The following CNTN4 variants were observed in gnomAD, a reference collection of about 807,000 sequenced individuals.
CNTN4 encodes contactin 4, also known as contactin-4.
CNTN4 carries 77 observed loss-of-function variants against 122.5 expected under a neutral mutation model. The ratio of observed to expected loss-of-function variants is 0.63; its 90% confidence interval spans 0.52 to 0.76. The LOEUF is 0.76. CNTN4 is among the 30% of genes least tolerant of loss of function. CNTN4 has a pLI of 0.00. For missense variants in CNTN4, 1,256 were observed against 1,259.1 expected (o/e 1.00, Z 0.04); for synonymous variants, 512 against 447.0 (o/e 1.15, Z -1.83).
chr3:2,763,742 C>G (rs976319558), intron 6 of CNTN4, among the ~76,000 whole-genome samples: 2 of 152,140 alleles, frequency 1.3e-5, no homozygotes, highest in African/African-American at 4.8e-5. Flanking sequence ...ATAAGGAATC[C>G]TTTCCCCGTT....
chr3:2,901,123 G>T (rs1469150579), intron 11 of CNTN4, among the ~76,000 whole-genome samples: 1 of 152,096 alleles, frequency 6.6e-6, no homozygotes, highest in African/African-American at 2.4e-5. Context: ...AGATACAAAG[G>T]AACATACATT....
chr3:2,821,234 G>A (rs1444559254), intron 7 of CNTN4, among the ~76,000 whole-genome samples: 3 of 152,096 alleles, frequency 2.0e-5, no homozygotes, highest in Admixed American at 1.3e-4. Context: ...TGGGATTACA[G>A]GCATGAGTCA....
At chr3:3,016,824 C>T (rs1035526458) in intron 14 of CNTN4, among the ~76,000 whole-genome samples, 18 of 152,252 alleles carry the variant, frequency 1.2e-4, no homozygotes, top group African/African-American at 3.1e-4. Flanking sequence ...CTCTGCTTTG[C>T]GATTTTCCCC....
In CNTN4 at chr3:2,482,426, T is replaced by C. The variant is rs2076031222; in HGVS notation, c.-88-88990T>C. On this transcript the variant is annotated intron_variant, in intron 3 of 24. Coordinates refer to ENST00000418658, the MANE Select transcript of CNTN4 (RefSeq NM_175607.3). ...TTGGAAAATTTGCAGCCTGATGATG[T>C]GATAGAAAAAAAAAAACCATTTTCT... 4.6e-5 allele frequency among the ~76,000 whole-genome samples: 7 copies of C among 150,640 alleles called. No homozygotes were observed. The South Asian group carries it at 1.5e-3, about 31-fold the overall frequency.
intron 4 of CNTN4, among the ~76,000 whole-genome samples, chr3:2,729,749 C>A (rs9310838): frequency 1.2e-4 from 18 of 151,258 alleles, no homozygotes; most frequent in Non-Finnish European, 2.5e-4. Context: ...CCCGTCTCTA[C>A]TAAAAACAAA....
intron 2 of CNTN4, among the ~76,000 whole-genome samples, chr3:2,232,363 C>T (rs1184577983): frequency 6.6e-6 from 1 of 152,092 alleles, no homozygotes; most frequent in Non-Finnish European, 1.5e-5. Context: ...AGATCTTTTC[C>T]ACTATACTGT....
intron 7 of CNTN4, among the ~76,000 whole-genome samples, chr3:2,827,663 A>G (rs548308761): frequency 1.6e-4 from 24 of 152,244 alleles, no homozygotes; most frequent in Non-Finnish European, 2.5e-4. Context: ...GAAAATTGCT[A>G]TTAAAGACTT....
intron 2 of CNTN4, among the ~76,000 whole-genome samples, chr3:2,231,465 C>T (rs997703560): frequency 2.0e-5 from 3 of 152,178 alleles, no homozygotes; most frequent in Admixed American, 6.5e-5. Context: ...CTATTCATCT[C>T]ACTGATATTC....
At chr3:2,778,996 C>T (rs531122530) in intron 6 of CNTN4, among the ~76,000 whole-genome samples, 1 of 152,202 alleles carries the variant, frequency 6.6e-6, no homozygotes, top group Non-Finnish European at 1.5e-5. Flanking sequence ...AGACTCTTTA[C>T]TGTGTTAGCC....
chr3:2,617,824 A>G (rs1293810709), intron 4 of CNTN4, among the ~76,000 whole-genome samples: 2 of 152,180 alleles, frequency 1.3e-5, no homozygotes, highest in Non-Finnish European at 2.9e-5. Context: ...CTCGGTTATA[A>G]TCTCTGTGCA....
intron 2 of CNTN4, among the ~76,000 whole-genome samples, chr3:2,148,532 CA>C (rs565512228): frequency 5.9e-4 from 79 of 134,524 alleles, no homozygotes; most frequent in Non-Finnish European, 5.1e-4. Context: ...GCCCCTGTCT[CA>C]AAAAAAAAAA....
At position 2,976,683 on chromosome 3, in the gene CNTN4, A is replaced by G. The variant is rs114947309; in HGVS notation, c.1359-11662A>G. On this transcript the variant is annotated intron_variant, in intron 13 of 24. Coordinates refer to ENST00000418658, the MANE Select transcript of CNTN4 (RefSeq NM_175607.3). Reference sequence around the variant, plus strand: ...TCTCAATTGACTCTTTGTAAATTGCAATTACCACAAAACAATCTTTCTTTC... The same window carrying G: ...TCTCAATTGACTCTTTGTAAATTGCGATTACCACAAAACAATCTTTCTTTC... Among the ~76,000 whole-genome samples, 951 of 152,336 alleles carry G rather than the reference A, an allele frequency of 6.2e-3. 8 individuals are homozygous for G. Among genetic ancestry groups the G allele is most frequent in the African/African-American group, 0.022 (897 of 41,576 alleles).
At chr3:2,321,251 G>A (rs1008845296) in intron 2 of CNTN4, among the ~76,000 whole-genome samples, 1 of 152,102 alleles carries the variant, frequency 6.6e-6, no homozygotes. Flanking sequence ...AGATAGTATA[G>A]TGGTAAAAAA....
chr3:2,770,674 T>G (rs2091058680), intron 6 of CNTN4, among the ~76,000 whole-genome samples: 1 of 152,222 alleles, frequency 6.6e-6, no homozygotes, highest in Non-Finnish European at 1.5e-5. Context: ...AGATAATCAG[T>G]GGACCAGGCT....
chr3:2,847,464 A>G (rs1325493227), intron 7 of CNTN4, among the ~76,000 whole-genome samples: 1 of 152,238 alleles, frequency 6.6e-6, no homozygotes, highest in East Asian at 1.9e-4. Flanking sequence ...CAAGAATGCT[A>G]AAATTATATG....
intron 4 of CNTN4, among the ~76,000 whole-genome samples, chr3:2,639,363 A>G (rs1335252161): frequency 6.6e-6 from 1 of 151,860 alleles, no homozygotes; most frequent in Admixed American, 6.6e-5. Flanking sequence ...ATGGTCTACT[A>G]CTCCCTCAGA....
At chr3:2,722,551 T>C (rs745396908) in intron 4 of CNTN4, among the ~76,000 whole-genome samples, 3 of 152,212 alleles carry the variant, frequency 2.0e-5, no homozygotes, top group Admixed American at 2.0e-4. Context: ...GGATGACTTA[T>C]TCAAAAGACC....
intron 6 of CNTN4, among the ~76,000 whole-genome samples, chr3:2,752,120 C>A (rs559004484): frequency 6.6e-6 from 1 of 152,278 alleles, no homozygotes; most frequent in Admixed American, 6.5e-5. Flanking sequence ...ATTCCCCTTT[C>A]TGTCCCTCCA....
chr3:2,660,564 A>C (rs2150285433), intron 4 of CNTN4, among the ~76,000 whole-genome samples: 3 of 152,354 alleles, frequency 2.0e-5, no homozygotes, highest in African/African-American at 7.2e-5. Context: ...CAGGCAATTA[A>C]AACTGTGGTA....
Sources: gnomAD v4.1 joint callset for allele counts (sites outside exome capture counted in the v4.1 genomes callset) on GRCh38, gnomAD v4.1.1 for gene constraint, MANE v1.5 for transcripts, NCBI Gene and HGNC (gene_info 2026-07-23, HGNC 2026-07-21) for gene names.